Variants in EYS observed in about 807,000 individuals in gnomAD.
EYS encodes the protein protein eyes shut homolog.
Under a neutral mutation model 282.1 loss-of-function variants are expected in EYS, and 250 were observed. That is an observed-to-expected ratio of 0.89 (90% confidence interval 0.80 to 0.98). EYS has a LOEUF of 0.98. Ranked by LOEUF, EYS falls within the 50% of genes least tolerant of loss-of-function variation. The pLI is 0.00. For missense variants in EYS, 4,016 were observed against 3,709.0 expected (o/e 1.08, Z -2.15); for synonymous variants, 1,355 against 1,282.9 (o/e 1.06, Z -1.20).
chr6:64,262,188 T>C (rs995484339), intron 30 of EYS, among the ~76,000 whole-genome samples: 2 of 152,084 alleles, frequency 1.3e-5, no homozygotes, highest in Non-Finnish European at 2.9e-5. Context: ...CATATAACAC[T>C]TCTTCCTTTA....
intron 29 of EYS, among the ~76,000 whole-genome samples, chr6:64,356,635 T>G (rs988688071): frequency 2.0e-5 from 3 of 151,626 alleles, no homozygotes; most frequent in Non-Finnish European, 4.4e-5. Flanking sequence ...CTTTACGCAT[T>G]GGAAGAATTC....
chr6:65,343,577 G>C (rs1770279482), intron 10 of EYS, among the ~76,000 whole-genome samples: 1 of 151,048 alleles, frequency 6.6e-6, no homozygotes, highest in African/African-American at 2.4e-5. Context: ...TTTTAGTGAT[G>C]GAACTGCCTA....
intron 40 of EYS, among the ~76,000 whole-genome samples, chr6:63,777,088 C>T (rs1770085104): frequency 6.6e-6 from 1 of 152,158 alleles, no homozygotes; most frequent in Non-Finnish European, 1.5e-5. Context: ...ATTTTGTCCT[C>T]AGGAATTCCA....
chr6:65,010,960 A>C (rs1327710774), intron 13 of EYS, among the ~76,000 whole-genome samples: 1 of 152,198 alleles, frequency 6.6e-6, no homozygotes, highest in African/African-American at 2.4e-5. Context: ...AGAACCGCCA[A>C]GCGGATATTG....
chr6:65,217,350 T>C (rs193206003), intron 12 of EYS, among the ~76,000 whole-genome samples: 2 of 152,232 alleles, frequency 1.3e-5, no homozygotes, highest in East Asian at 3.9e-4. Flanking sequence ...AGATGAAGTA[T>C]TATGTATAGC....
chr6:65,004,746 T>C (rs1010247106), intron 13 of EYS, among the ~76,000 whole-genome samples: 16 of 147,416 alleles, frequency 1.1e-4, no homozygotes, highest in African/African-American at 3.9e-4. Flanking sequence ...CATAAAGGCA[T>C]CCAATTTATT....
chr6:64,855,550 CT>C (rs1766031823), intron 19 of EYS, among the ~76,000 whole-genome samples: 1 of 152,078 alleles, frequency 6.6e-6, no homozygotes, highest in South Asian at 2.1e-4. Context: ...CTTATTTCCC[CT>C]ATACATATTT....
chr6:65,489,242 AAT>A (rs1765931289), intron 5 of EYS: 1 of 152,340 alleles, frequency 6.6e-6, no homozygotes, highest in Non-Finnish European at 1.5e-5. Flanking sequence ...ACAAAGGGTT[AAT>A]AACCAGAATC....
At chr6:64,767,611 A>C (rs1231977994) in intron 22 of EYS, among the ~76,000 whole-genome samples, 2 of 152,146 alleles carry the variant, frequency 1.3e-5, no homozygotes, top group African/African-American at 4.8e-5. Context: ...CAAATAACAA[A>C]ATTTCATTCT....
intron 30 of EYS, among the ~76,000 whole-genome samples, chr6:64,296,108 CT>C (rs1768973757): frequency 6.6e-6 from 1 of 152,046 alleles, no homozygotes; most frequent in African/African-American, 2.4e-5. Context: ...CACTTTTTAA[CT>C]CACCTTTAAC....
At chr6:64,533,309 A>T (rs1269251067) in intron 26 of EYS, among the ~76,000 whole-genome samples, 1 of 152,208 alleles carries the variant, frequency 6.6e-6, no homozygotes, top group African/African-American at 2.4e-5. Context: ...GTATGTAGTA[A>T]TCATTTTCTA....
chr6:64,239,541 T>C (rs1404629769), intron 30 of EYS, among the ~76,000 whole-genome samples: 1 of 152,134 alleles, frequency 6.6e-6, no homozygotes, highest in Non-Finnish European at 1.5e-5. Context: ...GTTGGCTGCA[T>C]AAATGTCTTC....
chr6:64,224,094 C>T (rs1766187223), intron 31 of EYS, among the ~76,000 whole-genome samples: 1 of 151,906 alleles, frequency 6.6e-6, no homozygotes, highest in South Asian at 2.1e-4. Flanking sequence ...ACATTTTATA[C>T]CACATATTTT....
chr6:64,896,858 G>C (rs938579255), intron 18 of EYS, among the ~76,000 whole-genome samples: 9 of 152,036 alleles, frequency 5.9e-5, no homozygotes, highest in Admixed American at 1.3e-4. Flanking sequence ...GTGGAGGGGG[G>C]GGCCACCACA....
intron 8 of EYS, among the ~76,000 whole-genome samples, chr6:65,356,766 C>A (rs1764500718): frequency 6.6e-6 from 1 of 151,912 alleles, no homozygotes; most frequent in Admixed American, 6.6e-5. Flanking sequence ...AACATAACAA[C>A]CTGAATGTTA....
intron 5 of EYS, among the ~76,000 whole-genome samples, chr6:65,420,227 T>G (rs2150376467): frequency 6.6e-6 from 1 of 152,092 alleles, no homozygotes; most frequent in South Asian, 2.1e-4. Context: ...TTAAAGTTGG[T>G]CCTCGCAAAC....
chr6:65,455,311 G>A (rs545247314), intron 5 of EYS, among the ~76,000 whole-genome samples: 11 of 152,100 alleles, frequency 7.2e-5, no homozygotes, highest in African/African-American at 2.7e-4. Context: ...TTCACTCTTA[G>A]TGTATACACA....
At chr6:64,988,435 A>G (rs1187577943) in intron 14 of EYS, among the ~76,000 whole-genome samples, 1 of 151,596 alleles carries the variant, frequency 6.6e-6, no homozygotes, top group East Asian at 1.9e-4. Flanking sequence ...GGGCATGAGT[A>G]TAGACTCTGT....
chr6:65,515,902 T>G (rs1767114253), intron 2 of EYS, among the ~76,000 whole-genome samples: 1 of 151,742 alleles, frequency 6.6e-6, no homozygotes, highest in Non-Finnish European at 1.5e-5. Context: ...GTAACTAACC[T>G]GCACATTGTG....
Sources: gnomAD v4.1 joint callset for allele counts (sites outside exome capture counted in the v4.1 genomes callset) on GRCh38, gnomAD v4.1.1 for gene constraint, MANE v1.5 for transcripts, NCBI Gene and HGNC (gene_info 2026-07-23, HGNC 2026-07-21) for gene names.